Variants in RAD54L2 observed in about 807,000 individuals in gnomAD.
The protein encoded by RAD54L2 is helicase ARIP4.
Under a neutral mutation model 138.4 loss-of-function variants are expected in RAD54L2, and 27 were observed. The ratio of observed to expected loss-of-function variants is 0.20; its 90% CI spans 0.14 to 0.27. RAD54L2 has a LOEUF of 0.27. RAD54L2 is among the 10% of genes least tolerant of loss of function. The pLI, the probability that RAD54L2 is intolerant of heterozygous loss-of-function variation, is 1.00. For synonymous variants in RAD54L2, 644 were observed against 723.2 expected, an observed-to-expected ratio of 0.89 and a Z score of 1.76; for missense variants, 1,396 against 1,890.2, an observed-to-expected ratio of 0.74 and a Z score of 4.85.
At chr3:51,617,118 C>G (rs1473908077) in intron 3 of RAD54L2, among the ~76,000 whole-genome samples, 2 of 152,054 alleles carry the variant, frequency 1.3e-5, no homozygotes, top group African/African-American at 2.4e-5. Context: ...ACTTGTTTAT[C>G]CATTCATCTG....
At chr3:51,626,268 T>C (rs559499466) in intron 3 of RAD54L2, among the ~76,000 whole-genome samples, 5 of 151,708 alleles carry the variant, frequency 3.3e-5, no homozygotes, top group South Asian at 2.1e-4. Context: ...TCTGATGAAT[T>C]TGGGGACAGG....
Position 51,545,752 on chromosome 3 carries a change from A to G in RAD54L2, c.-55+4102A>G, listed in dbSNP as rs1312395744. Among the ~76,000 whole-genome samples, 3 of 150,938 alleles carry G rather than the reference A, an allele frequency of 2.0e-5. No homozygotes were observed. In the Admixed American group the frequency reaches 2.0e-4, roughly 10 times the overall value. On this transcript the variant is annotated intron_variant, in intron 2 of 22. Transcript: ENST00000684192. The stretch of plus-strand genomic sequence containing the variant: ...GCATGACCTTGCCTGGCTAATTTTT[A>G]TATTTTTTGTAGAGGCAGGGGTCCC...
chr3:51,579,263 A>G (rs1242797008), intron 2 of RAD54L2, among the ~76,000 whole-genome samples: 1 of 143,666 alleles, frequency 7.0e-6, no homozygotes, highest in African/African-American at 2.6e-5. Flanking sequence ...CAAGCCTGGG[A>G]TTTTTATGGG....
chr3:51,663,317 C>G lies in RAD54L2; in HGVS notation c.4301C>G (p.Ser1434Cys), dbSNP rs1162893830. The change falls in exon 23 of 23, where the codon TCC (serine) becomes TGC (cysteine). Residue 1434 changes from serine to cysteine, a missense_variant. Around this residue, in one of 7 missense-constraint regions of RAD54L2, gnomAD observed 634 missense variants for 711.2 expected, o/e 0.89. Coordinates refer to ENST00000684192, the MANE Select transcript of RAD54L2 (RefSeq NM_015106.4). ...TACCCAGCTGGTGGCCTCCTACGGTCCCAGGTGCCTCCATTTGACTCTCAT... is the reference window on the plus strand; with the variant it reads ...TACCCAGCTGGTGGCCTCCTACGGTGCCAGGTGCCTCCATTTGACTCTCAT... ...AGYPAGGLLR[S>C]QVPPFDSHEV... The G allele has an allele frequency of 2.5e-6, 4 of 1,613,924 alleles. No individual in the cohort carries two copies. The highest frequency in any genetic ancestry group is 1.7e-6 in the Non-Finnish European group (2 of 1,179,872).
At chr3:51,613,184 G>A (rs139752029) in intron 3 of RAD54L2, among the ~76,000 whole-genome samples, 2,853 of 152,018 alleles carry the variant, frequency 0.019, 227 homozygotes, top group Admixed American at 0.13. Flanking sequence ...TGATCCACCC[G>A]CCTCGGCCTC....
Position 51,637,678 on chromosome 3 carries a change from G to A in RAD54L2, c.1682+175G>A, listed in dbSNP as rs546764965. ...CAGATGGTGGATATCCACTGTTTCA[G>A]TTCTCTGAAAGTTTGGCCTAGAAGT... On this transcript the variant is annotated intron_variant, in intron 11 of 22. Coordinates refer to ENST00000684192, the MANE Select transcript of RAD54L2 (RefSeq NM_015106.4). This position sits in a 1 kb window ranked among gnomAD's most constrained non-coding sequence, Gnocchi z 5.9. Among the ~76,000 whole-genome samples the A allele has an allele frequency of 7.4e-4, 112 of 152,332 alleles. No individual in the cohort carries two copies. Among genetic ancestry groups the A allele is most frequent in the South Asian group, 1.4e-3 (7 of 4,830 alleles).
At chr3:51,568,693 A>G (rs1699270245) in intron 2 of RAD54L2, among the ~76,000 whole-genome samples, 1 of 152,182 alleles carries the variant, frequency 6.6e-6, no homozygotes. Context: ...CTGCTCTAGG[A>G]TGAATGAGTA....
At chr3:51,601,630 G>A (rs1024017423) in intron 3 of RAD54L2, among the ~76,000 whole-genome samples, 2 of 151,290 alleles carry the variant, frequency 1.3e-5, no homozygotes, top group African/African-American at 4.9e-5. Flanking sequence ...TTTTAGTAGA[G>A]ACGGGGTTTC....
At position 51,645,747 on chromosome 3, in the gene RAD54L2, C is replaced by T; in HGVS notation, c.2813C>T (p.Pro938Leu). ...SVLQLACLKY[P>L]HLITKEPFEH... ...CTGCAACTGGCCTGTCTGAAGTACC[C>T]TCACCTCATCACCAAGGTAAGAACT... Residue 938 changes from proline to leucine, a missense_variant, in exon 18 of 23, where the codon CCT (proline) becomes CTT (leucine). Physicochemically the swap from Pro to Leu is moderately conservative, Grantham distance 98 (BLOSUM62 -3). Around this residue, in one of 7 missense-constraint regions of RAD54L2, gnomAD observed 634 missense variants for 711.2 expected, o/e 0.89. Coordinates refer to ENST00000684192, the MANE Select transcript of RAD54L2 (RefSeq NM_015106.4). This position sits in a 1 kb window ranked among gnomAD's most constrained non-coding sequence, Gnocchi z 6.1. 6.2e-7 allele frequency: 1 copy of T among 1,610,870 alleles called. No individual in the cohort carries two copies. The highest frequency in any genetic ancestry group is 8.5e-7 in the Non-Finnish European group (1 of 1,178,826).
chr3:51,662,286 A>C lies in RAD54L2; in HGVS notation c.3410-140A>C, dbSNP rs1701798018. ...ATTTCTTTGTGACTGGAAAAGGTTGACTGGGTGATGTTGTTCAGACATCAA... is the reference window on the plus strand; with the variant it reads ...ATTTCTTTGTGACTGGAAAAGGTTGCCTGGGTGATGTTGTTCAGACATCAA... On this transcript the variant is annotated intron_variant, in intron 22 of 22. Coordinates refer to ENST00000684192, the MANE Select transcript of RAD54L2 (RefSeq NM_015106.4). The surrounding 1 kb of genome is among the most constrained non-coding windows in gnomAD (Gnocchi z 4.6). The C allele has an allele frequency of 1.0e-5, 7 of 691,596 alleles. No individual in the cohort carries two copies. Among genetic ancestry groups the C allele is most frequent in the Non-Finnish European group, 1.5e-5 (7 of 459,902 alleles). 42.8% of individuals were successfully genotyped at this position (691,596 alleles called of 1,614,324 possible). A position where few individuals can be genotyped will look rare whatever the true frequency, so the allele number is the denominator to read the frequency against.
intron 2 of RAD54L2, among the ~76,000 whole-genome samples, chr3:51,561,329 T>G (rs572874699): frequency 1.3e-5 from 2 of 152,308 alleles, no homozygotes; most frequent in Admixed American, 1.3e-4. Flanking sequence ...CATTGCAACC[T>G]CCACCTCCTG....
In RAD54L2 at chr3:51,643,954, G is replaced by A; in HGVS notation, c.2430G>A (p.Trp810Ter). 6.2e-7 allele frequency: 1 copy of A among 1,602,558 alleles called. No homozygotes were observed. The highest frequency in any genetic ancestry group is 8.5e-7 in the Non-Finnish European group (1 of 1,174,252). ...QFNDPSNLTTWLFLLSTRAGC... is the reference protein window; with the variant it reads ...QFNDPSNLTT ...ATGATCCCAGCAACCTCACCACCTG[G>A]CTGTTCCTTCTCTCTACAAGGTGAG... The change falls in exon 16 of 23, where the codon TGG becomes TGA. Residue 810 changes from tryptophan to a stop codon, truncating the protein, a stop_gained. Transcript: ENST00000684192. LOFTEE classifies it high-confidence loss of function.
Position 51,645,358 on chromosome 3 carries a change from C to G in RAD54L2, c.2656+129C>G. The G allele has an allele frequency of 9.3e-7, 1 of 1,073,596 alleles. No individual in the cohort carries two copies. Among genetic ancestry groups the G allele is most frequent in the Non-Finnish European group, 1.3e-6 (1 of 745,224 alleles). 66.5% of individuals were successfully genotyped at this position (1,073,596 alleles called of 1,614,324 possible). ...CGAGAAAGCCAGCATTTCCTCCTAT[C>G]TCATTCTGATTCAAATTGCTTAAAA... is the stretch of plus-strand genomic sequence containing the variant. On this transcript the variant is annotated intron_variant, in intron 17 of 22. Transcript: ENST00000684192. This position sits in a 1 kb window ranked among gnomAD's most constrained non-coding sequence, Gnocchi z 6.1.
At position 51,661,300 on chromosome 3, in the gene RAD54L2, A is replaced by G. The variant is rs116581355; in HGVS notation, c.3410-1126A>G. Among the ~76,000 whole-genome samples, 692 of 152,316 alleles carry G rather than the reference A, an allele frequency of 4.5e-3. 4 individuals carry two copies. The highest frequency in any genetic ancestry group is 0.016 in the African/African-American group (663 of 41,580). On this transcript the variant is annotated intron_variant, in intron 22 of 22. Transcript: ENST00000684192. ...TTTTTAAAACAAATGCTAACATACC[A>G]TAAAATACTATTTACTCCTTTTTTC...
At chr3:51,600,892 A>G (rs1700066027) in intron 3 of RAD54L2, among the ~76,000 whole-genome samples, 1 of 151,806 alleles carries the variant, frequency 6.6e-6, no homozygotes, top group African/African-American at 2.4e-5. Flanking sequence ...GCTTGAACCC[A>G]GGAGGCGGAG....
chr3:51,578,816 G>A (rs1699541966), intron 2 of RAD54L2, among the ~76,000 whole-genome samples: 1 of 152,176 alleles, frequency 6.6e-6, no homozygotes, highest in African/African-American at 2.4e-5. Context: ...GATGGCTTAA[G>A]TGTTAACAGC....
chr3:51,567,503 A>G (rs1439765733), intron 2 of RAD54L2, among the ~76,000 whole-genome samples: 3 of 152,164 alleles, frequency 2.0e-5, no homozygotes, highest in African/African-American at 7.2e-5. Flanking sequence ...TGCTGCAAAA[A>G]TGGAATCAGT....
At chr3:51,542,780 G>C (rs1251202092) in intron 2 of RAD54L2, among the ~76,000 whole-genome samples, 1 of 152,142 alleles carries the variant, frequency 6.6e-6, no homozygotes, top group East Asian at 1.9e-4. Context: ...TCTTTATTCA[G>C]TGCCGGTAGG....
At chr3:51,584,962 T>C (rs1230258525) in intron 2 of RAD54L2, among the ~76,000 whole-genome samples, 1 of 151,864 alleles carries the variant, frequency 6.6e-6, no homozygotes, top group Non-Finnish European at 1.5e-5. Flanking sequence ...CACACCACTA[T>C]GCCTGGCTAA....
Sources: allele counts gnomAD v4.1 joint callset (sites outside exome capture counted in the v4.1 genomes callset), GRCh38; gene constraint gnomAD v4.1.1; regional missense constraint gnomAD v4.1.1; non-coding constraint Gnocchi (gnomAD v3.1); transcripts MANE v1.5; gene names NCBI Gene and HGNC (gene_info 2026-07-23, HGNC 2026-07-21).